TAF4B: variants seen among roughly 807,000 people sequenced by gnomAD.
The protein encoded by TAF4B is transcription initiation factor TFIID subunit 4B.
A neutral mutation model predicts 86.4 loss-of-function variants in TAF4B; 38 were observed. The observed-to-expected ratio is 0.44, with a 90% CI of 0.34 to 0.58. TAF4B has a LOEUF of 0.58. Ranked by LOEUF, TAF4B falls within the 20% of genes least tolerant of loss-of-function variation. The probability of loss-of-function intolerance (pLI) is 0.02; values close to 1 mark genes in which losing one functional copy is unlikely to be tolerated. For synonymous variants in TAF4B, 388 were observed against 391.2 expected, an observed-to-expected ratio of 0.99 and a Z score of 0.10; for missense variants, 988 against 1,027.6, an observed-to-expected ratio of 0.96 and a Z score of 0.53.
intron 1 of TAF4B, among the ~76,000 whole-genome samples, chr18:26,244,478 G>A (rs2055891849): frequency 6.6e-6 from 1 of 152,196 alleles, no homozygotes; most frequent in Non-Finnish European, 1.5e-5. Context: ...GTCTGTCACG[G>A]CTTCCCTTGG....
chr18:26,230,297 T>TA (rs1299035255), intron 1 of TAF4B, among the ~76,000 whole-genome samples: 1 of 152,188 alleles, frequency 6.6e-6, no homozygotes, highest in Admixed American at 6.5e-5. Context: ...AGCAGTGAGG[T>TA]CCCTTTTCAT....
chr18:26,311,395 G>A (rs887769932), intron 9 of TAF4B, among the ~76,000 whole-genome samples: 12 of 152,144 alleles, frequency 7.9e-5, no homozygotes, highest in Non-Finnish European at 1.8e-4. Context: ...AGCATTTTGG[G>A]AGGCCGAGGC....
chr18:26,370,940 G>A (rs182940320), intron 14 of TAF4B, among the ~76,000 whole-genome samples: 5 of 152,308 alleles, frequency 3.3e-5, no homozygotes, highest in Admixed American at 3.3e-4. Context: ...AAGGCTTGGG[G>A]AAATTGGGAT....
intron 14 of TAF4B, among the ~76,000 whole-genome samples, chr18:26,358,850 A>T (rs1416170143): frequency 6.6e-5 from 10 of 152,242 alleles, no homozygotes; most frequent in East Asian, 5.8e-4. Flanking sequence ...TTCTCTATAG[A>T]ATTTAAATCT....
chr18:26,367,873 A>G (rs1469086183), intron 14 of TAF4B, among the ~76,000 whole-genome samples: 4 of 152,228 alleles, frequency 2.6e-5, no homozygotes, highest in East Asian at 1.9e-4. Flanking sequence ...GACACTCATA[A>G]TGCTTACCAA....
At chr18:26,297,595 A>G (rs1453036764) in intron 9 of TAF4B, among the ~76,000 whole-genome samples, 1 of 152,116 alleles carries the variant, frequency 6.6e-6, no homozygotes, top group Admixed American at 6.5e-5. Flanking sequence ...CATACAGTTC[A>G]TGTTGTGTCT....
rs200134841 is a variant in TAF4B, at chr18:26,293,456, G to T, written c.1757G>T (p.Gly586Val). 37 of 1,595,136 alleles carry T rather than the reference G, an allele frequency of 2.3e-5. No individual in the cohort carries two copies. The Admixed American group carries it at 5.1e-4, about 22-fold the overall frequency. ...ASILKQITLP[G>V]NKILSLQASP... Reference sequence around the variant, plus strand: ...ATTCTAAAGCAAATTACTCTGCCTGGAAATAAAATTCTGTCACTTCAAGCA... The same window carrying T: ...ATTCTAAAGCAAATTACTCTGCCTGTAAATAAAATTCTGTCACTTCAAGCA... Residue 586 changes from glycine (G) to valine (V), a missense_variant, in exon 9 of 15, where the codon GGA (glycine) becomes GTA (valine). Physicochemically the swap from Gly to Val is moderately radical, Grantham distance 109 (BLOSUM62 -3). Around this residue, in one of 3 missense-constraint regions of TAF4B, gnomAD observed 747 missense variants for 737.9 expected, o/e 1.01. Transcript: ENST00000269142.
intron 10 of TAF4B, among the ~76,000 whole-genome samples, chr18:26,317,503 A>G (rs2056924076): frequency 6.6e-6 from 1 of 152,248 alleles, no homozygotes; most frequent in African/African-American, 2.4e-5. Flanking sequence ...ACAATTGCTC[A>G]ATTCGGCTGT....
intron 5 of TAF4B, 126 bp from the exon 6 acceptor site, chr18:26,281,845 A>G: frequency 1.6e-6 from 1 of 626,914 alleles, no homozygotes; most frequent in Non-Finnish European, 2.7e-6. Flanking sequence ...TGAAGAAAAA[A>G]GCCTATATTT....
At chr18:26,252,763 T>C (rs1474989960) in intron 1 of TAF4B, among the ~76,000 whole-genome samples, 1 of 151,550 alleles carries the variant, frequency 6.6e-6, no homozygotes, top group East Asian at 1.9e-4. Flanking sequence ...GTGATGCTGG[T>C]GGCATATTTT....
At chr18:26,346,851 ATATATATGTG>A (rs1389864197) in intron 13 of TAF4B, among the ~76,000 whole-genome samples, 1 of 18,654 alleles carries the variant, frequency 5.4e-5, no homozygotes, top group African/African-American at 1.9e-4. Context: ...GTGTGTATAT[ATATATATGTG>A]TATATATATA....
intron 1 of TAF4B, among the ~76,000 whole-genome samples, chr18:26,263,053 T>C (rs1246444591): frequency 6.6e-6 from 1 of 152,132 alleles, no homozygotes; most frequent in African/African-American, 2.4e-5. Flanking sequence ...TGGGCTCAAG[T>C]GAGCCTCCCA....
At chr18:26,244,214 G>A (rs543962166) in intron 1 of TAF4B, among the ~76,000 whole-genome samples, 1 of 152,308 alleles carries the variant, frequency 6.6e-6, no homozygotes, top group Admixed American at 6.5e-5. Flanking sequence ...TTGAGCTGCA[G>A]TGGGCTCCAC....
intron 13 of TAF4B, among the ~76,000 whole-genome samples, chr18:26,350,691 A>G (rs867134761): frequency 2.6e-5 from 4 of 152,212 alleles, no homozygotes; most frequent in Non-Finnish European, 5.9e-5. Flanking sequence ...AAAGAAAATT[A>G]AAAACAAACA....
At chr18:26,250,890 T>G (rs1598725866) in intron 1 of TAF4B, among the ~76,000 whole-genome samples, 1 of 152,152 alleles carries the variant, frequency 6.6e-6, no homozygotes, top group Admixed American at 6.5e-5. Context: ...AAATGGAGGA[T>G]AGGGGAGATA....
At chr18:26,281,913 T>A (rs1047884456) in intron 5 of TAF4B, 58 bp from the exon 6 acceptor site, 13 of 1,282,408 alleles carry the variant, frequency 1.0e-5, no homozygotes, top group Non-Finnish European at 1.5e-5. Context: ...ATTATATACT[T>A]TGTCTCTTTT....
chr18:26,382,410 T>C (rs1292796496), intron 14 of TAF4B, among the ~76,000 whole-genome samples: 1 of 152,202 alleles, frequency 6.6e-6, no homozygotes, highest in South Asian at 2.1e-4. Context: ...GCTGTTCTTG[T>C]GTGTCGAATT....
At chr18:26,271,486 G>T (rs1226133559) in intron 3 of TAF4B, among the ~76,000 whole-genome samples, 1 of 152,150 alleles carries the variant, frequency 6.6e-6, no homozygotes, top group East Asian at 1.9e-4. Context: ...TGTAGAATTG[G>T]TTTTCACACA....
At chr18:26,242,521 G>T (rs1403178657) in intron 1 of TAF4B, among the ~76,000 whole-genome samples, 1 of 152,064 alleles carries the variant, frequency 6.6e-6, no homozygotes, top group Non-Finnish European at 1.5e-5. Flanking sequence ...ACACTGATGG[G>T]TCTTGACTCT....
Sources: gnomAD v4.1 joint callset for allele counts (sites outside exome capture counted in the v4.1 genomes callset) on GRCh38, gnomAD v4.1.1 for gene constraint, gnomAD v4.1.1 regional missense constraint, MANE v1.5 for transcripts, NCBI Gene and HGNC (gene_info 2026-07-23, HGNC 2026-07-21) for gene names.